The following SLIT3 variants were observed in gnomAD, a reference collection of about 807,000 sequenced individuals.
SLIT3 encodes slit homolog 3 protein.
SLIT3 carries 68 observed loss-of-function variants against 184.0 expected under a neutral mutation model. The observed-to-expected ratio is 0.37, with a 90% CI of 0.30 to 0.45. SLIT3 has a LOEUF of 0.45. Ranked by LOEUF, SLIT3 falls within the 20% of genes least tolerant of loss-of-function variation. The pLI is 1.00. For missense variants in SLIT3, 1,707 were observed against 2,026.0 expected (o/e 0.84, Z 3.02); for synonymous variants, 831 against 828.6 (o/e 1.00, Z -0.05).
chr5:168,684,298 C>A (rs1184261372), intron 31 of SLIT3, among the ~76,000 whole-genome samples: 1 of 152,138 alleles, frequency 6.6e-6, no homozygotes, highest in Non-Finnish European at 1.5e-5. Context: ...GCTGACTGAG[C>A]AAACCAGTTC....
chr5:169,262,058 C>T (rs146782142), intron 1 of SLIT3, among the ~76,000 whole-genome samples: 1 of 152,188 alleles, frequency 6.6e-6, no homozygotes, highest in Admixed American at 6.5e-5. Flanking sequence ...AGGTCCTTCT[C>T]CAGTTGAGCC....
At chr5:169,136,197 G>T (rs140732579) in intron 4 of SLIT3, among the ~76,000 whole-genome samples, 1 of 152,166 alleles carries the variant, frequency 6.6e-6, no homozygotes, top group Non-Finnish European at 1.5e-5. Flanking sequence ...CTCAGAAATC[G>T]TGGGTAGTTT....
chr5:169,062,986 C>A (rs1379509477), intron 4 of SLIT3, among the ~76,000 whole-genome samples: 1 of 152,232 alleles, frequency 6.6e-6, no homozygotes, highest in African/African-American at 2.4e-5. Context: ...AGATGTTTCT[C>A]ACATTTTGTA....
intron 4 of SLIT3, among the ~76,000 whole-genome samples, chr5:168,913,420 A>C (rs1300062701): frequency 3.3e-5 from 5 of 152,234 alleles, no homozygotes; most frequent in Non-Finnish European, 7.3e-5. Context: ...TGATTTATTC[A>C]AACACTCAAA....
intron 1 of SLIT3, among the ~76,000 whole-genome samples, chr5:169,260,761 T>C (rs1766143621): frequency 6.6e-6 from 1 of 152,228 alleles, no homozygotes; most frequent in African/African-American, 2.4e-5. Context: ...GTCTTCATCA[T>C]TAAGTTTCAG....
intron 4 of SLIT3, among the ~76,000 whole-genome samples, chr5:169,008,226 T>C (rs1301661227): frequency 2.0e-5 from 3 of 152,290 alleles, no homozygotes; most frequent in Admixed American, 6.5e-5. Context: ...AGAGAAAACA[T>C]TGGGTCTCAT....
At chr5:168,952,151 TG>T (rs1195073508) in intron 4 of SLIT3, among the ~76,000 whole-genome samples, 1 of 152,186 alleles carries the variant, frequency 6.6e-6, no homozygotes, top group Admixed American at 6.5e-5. Context: ...CCATGCATCA[TG>T]GGGCCGCCTG....
chr5:169,169,376 T>C (rs944931326), intron 4 of SLIT3, among the ~76,000 whole-genome samples: 19 of 152,180 alleles, frequency 1.2e-4, no homozygotes, highest in African/African-American at 4.3e-4. Flanking sequence ...GCTTCCAGAG[T>C]AATATATCAT....
At chr5:169,223,514 C>A (rs1193853141) in intron 3 of SLIT3, among the ~76,000 whole-genome samples, 3 of 152,194 alleles carry the variant, frequency 2.0e-5, no homozygotes, top group African/African-American at 7.2e-5. Flanking sequence ...TAGTGCAAAT[C>A]AGGACTCCTA....
chr5:169,165,740 T>C (rs892211572), intron 4 of SLIT3, among the ~76,000 whole-genome samples: 1 of 151,856 alleles, frequency 6.6e-6, no homozygotes, highest in African/African-American at 2.4e-5. Flanking sequence ...ACAATTGCTT[T>C]GTGTAATTTT....
intron 1 of SLIT3, among the ~76,000 whole-genome samples, chr5:169,278,635 C>T (rs1766894433): frequency 6.6e-6 from 1 of 152,168 alleles, no homozygotes; most frequent in Non-Finnish European, 1.5e-5. Context: ...CTCTGACCCC[C>T]CAAGGTCTGT....
intron 4 of SLIT3, among the ~76,000 whole-genome samples, chr5:169,160,426 C>T (rs1389905626): frequency 3.9e-5 from 6 of 152,188 alleles, no homozygotes; most frequent in East Asian, 1.9e-4. Flanking sequence ...AAAAAAGAGA[C>T]GTGTCCATTC....
At chr5:168,761,699 C>T (rs1755152622) in intron 15 of SLIT3, among the ~76,000 whole-genome samples, 1 of 152,052 alleles carries the variant, frequency 6.6e-6, no homozygotes, top group East Asian at 1.9e-4. Context: ...GTGCCTTTGT[C>T]CTCCACGAGG....
intron 4 of SLIT3, among the ~76,000 whole-genome samples, chr5:169,116,375 A>G (rs569509800): frequency 6.6e-6 from 1 of 152,266 alleles, no homozygotes; most frequent in East Asian, 1.9e-4. Context: ...GTAGGGATGC[A>G]GATGTCAGGA....
chr5:169,126,106 G>T (rs1437615928), intron 4 of SLIT3, among the ~76,000 whole-genome samples: 1 of 152,114 alleles, frequency 6.6e-6, no homozygotes, highest in Admixed American at 6.5e-5. Context: ...TTAGAAAGTC[G>T]GGCTTTGCTG....
At chr5:169,157,940 A>G (rs1320481948) in intron 4 of SLIT3, among the ~76,000 whole-genome samples, 1 of 150,814 alleles carries the variant, frequency 6.6e-6, no homozygotes, top group Non-Finnish European at 1.5e-5. Flanking sequence ...ACACAATCTG[A>G]ACAACAGAGA....
At chr5:169,165,079 G>A (rs1049867864) in intron 4 of SLIT3, among the ~76,000 whole-genome samples, 4 of 152,258 alleles carry the variant, frequency 2.6e-5, no homozygotes, top group Non-Finnish European at 4.4e-5. Context: ...ACAACTAGCA[G>A]AGTGCCTGGC....
intron 4 of SLIT3, among the ~76,000 whole-genome samples, chr5:168,992,513 C>T (rs562695669): frequency 8.5e-5 from 13 of 152,342 alleles, no homozygotes; most frequent in African/African-American, 2.2e-4. Context: ...GCCTCTACCT[C>T]GGCCAAGGGT....
At chr5:169,279,639 G>C (rs952102718) in intron 1 of SLIT3, among the ~76,000 whole-genome samples, 1 of 152,070 alleles carries the variant, frequency 6.6e-6, no homozygotes, top group Admixed American at 6.5e-5. Context: ...CTATATAAAA[G>C]GATATCATAC....
Sources: allele counts gnomAD v4.1 joint callset (sites outside exome capture counted in the v4.1 genomes callset), GRCh38; gene constraint gnomAD v4.1.1; transcripts MANE v1.5; gene names NCBI Gene and HGNC (gene_info 2026-07-23, HGNC 2026-07-21).